Variants in RNF216 observed in about 807,000 individuals in gnomAD.
The protein encoded by RNF216 is E3 ubiquitin-protein ligase RNF216.
In RNF216, 72 loss-of-function variants were observed where a neutral mutation model predicts 110.8. That is an observed-to-expected ratio of 0.65 (90% confidence interval 0.54 to 0.79). RNF216 has a LOEUF of 0.79. Among genes scored for constraint, RNF216 ranks in the 30% least tolerant of loss-of-function variants. RNF216 has a pLI of 0.00. For synonymous variants in RNF216, 495 were observed against 407.5 expected (o/e 1.21, Z -2.59); for missense variants, 1,342 against 1,141.2 (o/e 1.18, Z -2.54).
intron 2 of RNF216, among the ~76,000 whole-genome samples, chr7:5,759,233 T>C (rs943384094): frequency 6.6e-6 from 1 of 152,184 alleles, no homozygotes; most frequent in Non-Finnish European, 1.5e-5. Flanking sequence ...GGCCGCTATG[T>C]TTCCTATACA....
At position 5,741,255 on chromosome 7, in the gene RNF216, C is replaced by G; in HGVS notation, c.762G>C (p.Arg254=). The G allele has an allele frequency of 6.2e-7, 1 of 1,614,114 alleles. No individual in the cohort carries two copies. The highest frequency in any genetic ancestry group is 8.5e-7 in the Non-Finnish European group (1 of 1,180,004). Residue 254 remains arginine, a synonymous_variant, in exon 4 of 17, where the codon CGG becomes CGC. Transcript: ENST00000389902. ...AGCGGCCCAGTTCTGCTTCAGGCTGCCGTTCCTGAGGAACGACCTGGTTTG... is the reference window on the plus strand; with the variant it reads ...AGCGGCCCAGTTCTGCTTCAGGCTGGCGTTCCTGAGGAACGACCTGGTTTG... ...EITNQVVPQE[R]QPEAELGRLL...
chr7:5,649,768 AGT>A (rs1293602980), intron 14 of RNF216: 1 of 152,234 alleles, frequency 6.6e-6, no homozygotes, highest in Non-Finnish European at 1.5e-5. Context: ...CTTGGAGGAC[AGT>A]GTATTACTTT....
chr7:5,678,447 T>C (rs2128603033), intron 13 of RNF216, among the ~76,000 whole-genome samples: 1 of 152,012 alleles, frequency 6.6e-6, no homozygotes. Context: ...CAGAGAAAAA[T>C]GAGATTCAGA....
chr7:5,759,633 C>CT lies in RNF216; in HGVS notation c.67+1369dup, dbSNP rs560025609. On this transcript the variant is annotated intron_variant, in intron 2 of 16. Transcript: ENST00000389902. Reference sequence around the variant, plus strand: ...AAGTTTTGGTGGAGTCATTTTTCTTCTTTTTTTTTTTTTTTTGAGACGGAG... The same window carrying CT: ...AAGTTTTGGTGGAGTCATTTTTCTTCTTTTTTTTTTTTTTTTTGAGACGGAG... 4.5e-3 allele frequency among the ~76,000 whole-genome samples: 584 copies of CT among 131,148 alleles called. 6 individuals are homozygous for CT. Among genetic ancestry groups the CT allele is most frequent in the African/African-American group, 0.015 (519 of 35,320 alleles). 86.0% of individuals were successfully genotyped at this position (131,148 alleles called of 152,430 possible). A position where few individuals can be genotyped will look rare whatever the true frequency, so the allele number is the denominator to read the frequency against.
At chr7:5,675,888 T>C (rs1352180672) in intron 13 of RNF216, among the ~76,000 whole-genome samples, 1 of 152,058 alleles carries the variant, frequency 6.6e-6, no homozygotes, top group Non-Finnish European at 1.5e-5. Flanking sequence ...TTTGTATTTT[T>C]AGTAGAGACG....
At chr7:5,708,563 C>G (rs1240579519) in intron 13 of RNF216, among the ~76,000 whole-genome samples, 2 of 152,222 alleles carry the variant, frequency 1.3e-5, no homozygotes, top group Admixed American at 1.3e-4. Context: ...CAATAAATTA[C>G]ATGAGATACT....
chr7:5,738,565 A>C (rs796338801), intron 5 of RNF216, among the ~76,000 whole-genome samples: 3 of 151,922 alleles, frequency 2.0e-5, no homozygotes, highest in Admixed American at 2.0e-4. Flanking sequence ...AAAATTAGCC[A>C]GGCGTGCTGG....
chr7:5,637,904 G>C (rs1385619390), intron 15 of RNF216, among the ~76,000 whole-genome samples: 1 of 152,220 alleles, frequency 6.6e-6, no homozygotes, highest in East Asian at 1.9e-4. Flanking sequence ...GGAGTGCGGT[G>C]GCGCGATCTT....
intron 7 of RNF216, among the ~76,000 whole-genome samples, chr7:5,727,127 T>C (rs1584521609): frequency 1.3e-5 from 2 of 152,032 alleles, no homozygotes; most frequent in South Asian, 4.1e-4. Flanking sequence ...AGAAGCGGGG[T>C]GGCTATGATG....
In RNF216 at chr7:5,770,094, C is replaced by A. The variant is rs762923746; in HGVS notation, c.-69-8956G>T. 3.2e-4 allele frequency among the ~76,000 whole-genome samples: 47 copies of A among 147,518 alleles called. 1 individual carries two copies. The highest frequency in any genetic ancestry group is 8.3e-4 in the Admixed American group (12 of 14,474). ...GGGCGTGGTGGCTCACGCCTGTAGT[C>A]CCACCACTTTGGGAGGCTGAGGCAA... On this transcript the variant is annotated intron_variant, in intron 1 of 16. Coordinates refer to ENST00000389902, the MANE Select transcript of RNF216 (RefSeq NM_207111.4).
At chr7:5,724,149 G>A (rs1368773012) in intron 8 of RNF216, among the ~76,000 whole-genome samples, 3 of 152,194 alleles carry the variant, frequency 2.0e-5, no homozygotes, top group Non-Finnish European at 4.4e-5. Flanking sequence ...CAGACCTCAT[G>A]TGGAGTATGA....
chr7:5,714,104 A>G (rs919236564), intron 11 of RNF216, among the ~76,000 whole-genome samples: 1 of 152,044 alleles, frequency 6.6e-6, no homozygotes, highest in East Asian at 1.9e-4. Context: ...GCTGGATTAC[A>G]GGCACCCACC....
intron 5 of RNF216, among the ~76,000 whole-genome samples, chr7:5,737,035 T>C (rs1584540508): frequency 6.6e-6 from 1 of 152,208 alleles, no homozygotes; most frequent in Non-Finnish European, 1.5e-5. Flanking sequence ...CCCAACAGCT[T>C]ATTGAGAACG....
At position 5,641,332 on chromosome 7, in the gene RNF216, C is replaced by T; in HGVS notation, c.2204G>A (p.Cys735Tyr). The T allele has an allele frequency of 6.2e-7, 1 of 1,614,160 alleles. No homozygotes were observed. Among genetic ancestry groups the T allele is most frequent in the Non-Finnish European group, 8.5e-7 (1 of 1,180,016 alleles). Residue 735 changes from cysteine (C) to tyrosine (Y), a missense_variant, in exon 15 of 17, where the codon TGT becomes TAT. Coordinates refer to ENST00000389902, the MANE Select transcript of RNF216 (RefSeq NM_207111.4). ...TTCAGATTTGATGAGGCCAGTCCCA[C>T]ACTTGTGGCATTTTCTAATGCGGGC... is the stretch of plus-strand genomic sequence containing the variant. ...TAARIRKCHK[C>Y]GTGLIKSEGC...
At chr7:5,634,106 T>TG (rs1787249779) in intron 15 of RNF216, among the ~76,000 whole-genome samples, 1 of 152,264 alleles carries the variant, frequency 6.6e-6, no homozygotes, top group Non-Finnish European at 1.5e-5. Context: ...AAACTATTTT[T>TG]GCCAAAGCCT....
At chr7:5,715,601 G>A (rs1268159102) in intron 10 of RNF216, among the ~76,000 whole-genome samples, 1 of 45,270 alleles carries the variant, frequency 2.2e-5, no homozygotes. Context: ...TAAGGAGTGT[G>A]AATGGGTCTA....
intron 1 of RNF216, among the ~76,000 whole-genome samples, chr7:5,761,955 G>A (rs553524382): frequency 6.6e-6 from 1 of 152,262 alleles, no homozygotes; most frequent in Admixed American, 6.5e-5. Context: ...CATTCCCTGT[G>A]ACTTAGCAAT....
intron 5 of RNF216, among the ~76,000 whole-genome samples, chr7:5,735,221 T>G (rs1794326690): frequency 6.6e-6 from 1 of 152,166 alleles, no homozygotes; most frequent in Non-Finnish European, 1.5e-5. Context: ...CGTTTCAAAC[T>G]GACACTGCCC....
At chr7:5,629,441 C>G (rs1450092537) in intron 15 of RNF216, among the ~76,000 whole-genome samples, 1 of 150,070 alleles carries the variant, frequency 6.7e-6, no homozygotes, top group East Asian at 1.9e-4. Context: ...ACTGGCACAA[C>G]AGGGGAAGAT....
Sources: gnomAD v4.1 joint callset for allele counts (sites outside exome capture counted in the v4.1 genomes callset) on GRCh38, gnomAD v4.1.1 for gene constraint, MANE v1.5 for transcripts, NCBI Gene and HGNC (gene_info 2026-07-23, HGNC 2026-07-21) for gene names.